GMDS: variants seen among roughly 807,000 people sequenced by gnomAD.
The protein encoded by GMDS is GDP-mannose 4,6 dehydratase.
A neutral mutation model predicts 49.9 loss-of-function variants in GMDS; 20 were observed. The ratio of observed to expected loss-of-function variants is 0.40; its 90% CI spans 0.28 to 0.58. The LOEUF is 0.58. GMDS is among the 20% of genes least tolerant of loss of function. The pLI, the probability that GMDS is intolerant of heterozygous loss-of-function variation, is 0.42. For synonymous variants in GMDS, 177 were observed against 178.6 expected (o/e 0.99, Z 0.07); for missense variants, 362 against 481.4 (o/e 0.75, Z 2.32).
chr6:1,956,287 G>A (rs1403573957), intron 6 of GMDS, among the ~76,000 whole-genome samples: 1 of 152,164 alleles, frequency 6.6e-6, no homozygotes, highest in Non-Finnish European at 1.5e-5. Context: ...AGCCATAGAT[G>A]ATATATAAAC....
chr6:2,230,957 C>T (rs1214787382), intron 1 of GMDS, among the ~76,000 whole-genome samples: 11 of 122,676 alleles, frequency 9.0e-5, no homozygotes, highest in African/African-American at 2.7e-4. Context: ...CCCCCCCGTT[C>T]CTTCCCCTAA....
rs558420642 is a variant in GMDS, at chr6:2,102,695, T to C, written c.345+13076A>G. 9.2e-5 allele frequency among the ~76,000 whole-genome samples: 14 copies of C among 152,338 alleles called. No homozygotes were observed. In the South Asian group the frequency reaches 2.9e-3, roughly 32 times the overall value. ...TTATATTCTGATTAAAAGCTGTTTT[T>C]AAACAACCTTTTAATCTAAAACCCA... On this transcript the variant is annotated intron_variant, in intron 4 of 10. Transcript: ENST00000380815.
At chr6:2,012,107 T>C (rs1243055866) in intron 4 of GMDS, among the ~76,000 whole-genome samples, 3 of 151,960 alleles carry the variant, frequency 2.0e-5, no homozygotes, top group Non-Finnish European at 4.4e-5. Context: ...TATCACAGAC[T>C]TGGAAGGGCA....
chr6:1,853,766 T>C (rs1757819877), intron 7 of GMDS, among the ~76,000 whole-genome samples: 1 of 152,252 alleles, frequency 6.6e-6, no homozygotes, highest in Non-Finnish European at 1.5e-5. Flanking sequence ...GACATTCTTA[T>C]CAGTTTGAGT....
chr6:1,844,027 T>G lies in GMDS; in HGVS notation c.771+86076A>C, dbSNP rs116758540. Among the ~76,000 whole-genome samples the G allele has an allele frequency of 3.7e-3, 563 of 152,302 alleles. 6 individuals carry two copies. The highest frequency in any genetic ancestry group is 0.013 in the African/African-American group (554 of 41,560). ...TTGTTCACAGGGTGCGCTTTCAATG[T>G]GAGGATATAAGTAATCACAATAGCA... is the stretch of plus-strand genomic sequence containing the variant. On this transcript the variant is annotated intron_variant, in intron 7 of 10. Coordinates refer to ENST00000380815, the MANE Select transcript of GMDS (RefSeq NM_001500.4).
At chr6:2,074,701 A>T (rs1338850863) in intron 4 of GMDS, among the ~76,000 whole-genome samples, 4 of 152,194 alleles carry the variant, frequency 2.6e-5, no homozygotes, top group African/African-American at 9.6e-5. Context: ...GTAGGGTCTC[A>T]CTATGTTGCC....
intron 3 of GMDS, 150 bp from the exon 4 acceptor site, chr6:2,116,030 T>C (rs1319656904): frequency 3.5e-6 from 2 of 575,740 alleles, no homozygotes; most frequent in African/African-American, 3.7e-5. Context: ...TAGCAGAATA[T>C]AACTGTCACC....
At chr6:1,831,052 T>C (rs542088785) in intron 7 of GMDS, among the ~76,000 whole-genome samples, 4 of 152,244 alleles carry the variant, frequency 2.6e-5, no homozygotes, top group Non-Finnish European at 5.9e-5. Flanking sequence ...AGGTTCAATA[T>C]TCCCAAATCA....
intron 7 of GMDS, among the ~76,000 whole-genome samples, chr6:1,894,893 A>G (rs1760072913): frequency 6.6e-6 from 1 of 152,228 alleles, no homozygotes; most frequent in African/African-American, 2.4e-5. Flanking sequence ...ATTTTACTTT[A>G]TTACCTACTG....
At chr6:2,079,045 T>TTTA (rs1772515483) in intron 4 of GMDS, among the ~76,000 whole-genome samples, 1 of 133,850 alleles carries the variant, frequency 7.5e-6, no homozygotes, top group Non-Finnish European at 1.6e-5. Flanking sequence ...TTTTTTTTTT[T>TTTA]ACTGTGTTTG....
chr6:1,941,130 C>T (rs759658956), intron 6 of GMDS, among the ~76,000 whole-genome samples: 6 of 151,952 alleles, frequency 3.9e-5, no homozygotes, highest in Non-Finnish European at 7.4e-5. Flanking sequence ...ACAAAACTAT[C>T]GGGGAACTAA....
intron 4 of GMDS, among the ~76,000 whole-genome samples, chr6:2,018,616 T>A (rs1372496520): frequency 6.6e-6 from 1 of 152,208 alleles, no homozygotes; most frequent in Non-Finnish European, 1.5e-5. Flanking sequence ...ACTAACTGGC[T>A]TTTTCACTTA....
chr6:1,838,519 T>C (rs2113741414), intron 7 of GMDS, among the ~76,000 whole-genome samples: 1 of 152,368 alleles, frequency 6.6e-6, no homozygotes, highest in South Asian at 2.1e-4. Flanking sequence ...CACATAAATT[T>C]ACCTCTGTGA....
At chr6:1,859,840 G>T (rs972032514) in intron 7 of GMDS, among the ~76,000 whole-genome samples, 1 of 152,214 alleles carries the variant, frequency 6.6e-6, no homozygotes, top group South Asian at 2.1e-4. Flanking sequence ...GATTGTATCT[G>T]AAGAACAAAC....
intron 7 of GMDS, among the ~76,000 whole-genome samples, chr6:1,846,947 T>C (rs952292990): frequency 3.0e-4 from 46 of 152,304 alleles, no homozygotes; most frequent in African/African-American, 1.0e-3. Flanking sequence ...CTCCTGATAA[T>C]GACTAAGGTG....
At chr6:2,224,142 T>G (rs1041050537) in intron 1 of GMDS, among the ~76,000 whole-genome samples, 14 of 152,116 alleles carry the variant, frequency 9.2e-5, no homozygotes, top group Non-Finnish European at 1.9e-4. Flanking sequence ...TAGGGTAGGA[T>G]GGGGAAAGCA....
intron 7 of GMDS, among the ~76,000 whole-genome samples, chr6:1,765,197 C>G (rs77742914): frequency 6.6e-6 from 1 of 152,020 alleles, no homozygotes; most frequent in Non-Finnish European, 1.5e-5. Flanking sequence ...TTTTTGGAAC[C>G]GGATTCTAAC....
chr6:2,233,354 T>G (rs1781201850), intron 1 of GMDS, among the ~76,000 whole-genome samples: 1 of 152,162 alleles, frequency 6.6e-6, no homozygotes, highest in Non-Finnish European at 1.5e-5. Context: ...CTATCCACCC[T>G]AAGGAAGAGA....
At chr6:2,013,571 C>T (rs910993600) in intron 4 of GMDS, among the ~76,000 whole-genome samples, 1 of 151,708 alleles carries the variant, frequency 6.6e-6, no homozygotes, top group Non-Finnish European at 1.5e-5. Flanking sequence ...AGACAACATA[C>T]AAGAAGATAT....
Sources: gnomAD v4.1 joint callset for allele counts (sites outside exome capture counted in the v4.1 genomes callset) on GRCh38, gnomAD v4.1.1 for gene constraint, MANE v1.5 for transcripts, NCBI Gene and HGNC (gene_info 2026-07-23, HGNC 2026-07-21) for gene names.